Variants in ACLY observed in about 807,000 individuals in gnomAD.
ACLY encodes ATP citrate lyase, also known as ATP-citrate synthase.
Under a neutral mutation model 133.0 loss-of-function variants are expected in ACLY, and 41 were observed. The ratio of observed to expected loss-of-function variants is 0.31; its 90% confidence interval spans 0.24 to 0.40. The LOEUF (loss-of-function observed/expected upper bound fraction) is 0.40. Ranked by LOEUF, ACLY falls within the 10% of genes least tolerant of loss-of-function variation. ACLY has a pLI of 1.00. For synonymous variants in ACLY, 495 were observed against 549.3 expected (o/e 0.90, Z 1.38); for missense variants, 1,046 against 1,453.8 (o/e 0.72, Z 4.56).
chr17:41,884,255 T>C lies in ACLY; in HGVS notation c.2092A>G (p.Met698Val). Residue 698 changes from methionine to valine, a missense_variant, in exon 19 of 29, where the codon ATG (methionine) becomes GTG (valine). By Grantham distance (21) the Met-to-Val change is conservative. Transcript: ENST00000352035. Reference protein sequence around the residue: ...GGDRYPGSTFMDHVLRYQDTP... With the variant: ...GGDRYPGSTFVDHVLRYQDTP... ...TCCTGATAGCGTAACACATGATCCATGAATGTGGAGCCCGGGTACCTGTTG... is the reference window on the plus strand; with the variant it reads ...TCCTGATAGCGTAACACATGATCCACGAATGTGGAGCCCGGGTACCTGTTG... The C allele has an allele frequency of 6.2e-7, 1 of 1,611,886 alleles. No homozygotes were observed. Among genetic ancestry groups the C allele is most frequent in the Non-Finnish European group, 8.5e-7 (1 of 1,178,082 alleles).
At position 41,869,510 on chromosome 17, in the gene ACLY, A is replaced by T; in HGVS notation, c.3015T>A (p.Asp1005Glu). Residue 1005 changes from aspartate (D) to glutamate (E), a missense_variant, in exon 26 of 29, where the codon GAT becomes GAA. Around this residue, in one of 4 missense-constraint regions of ACLY, gnomAD observed 205 missense variants for 373.3 expected, o/e 0.55. Transcript: ENST00000352035. ...RQHFPATPLL[D>E]YALEVEKITT... ...TAATCTTCTCTACTTCCAGTGCATAATCGAGCAGAGGAGTGGCAGGGAAGT... is the reference window on the plus strand; with the variant it reads ...TAATCTTCTCTACTTCCAGTGCATATTCGAGCAGAGGAGTGGCAGGGAAGT... 1 of 1,614,086 alleles carries T rather than the reference A, an allele frequency of 6.2e-7. No individual in the cohort carries two copies.
chr17:41,893,274 A>C (rs782034648), intron 14 of ACLY, 100 bp from the exon 15 acceptor site: 31 of 1,336,904 alleles, frequency 2.3e-5, no homozygotes, highest in Non-Finnish European at 2.8e-5. Flanking sequence ...CCCCATGTCC[A>C]CAGGGTGATG....
intron 20 of ACLY, among the ~76,000 whole-genome samples, 187 bp from the exon 21 acceptor site, chr17:41,879,111 C>T (rs2048838164): frequency 6.6e-6 from 1 of 152,098 alleles, no homozygotes; most frequent in South Asian, 2.1e-4. Context: ...AGTTCAGGAG[C>T]TTCCTCAGGG....
Position 41,907,683 on chromosome 17 carries a change from A to T in ACLY, c.617-111T>A, listed in dbSNP as rs1285204330. ...CCATGGTGGCCCATTCAGGCCTCAG[A>T]ACTCTCTAAGCTCAGTAAGAAACCA... is the stretch of plus-strand genomic sequence containing the variant. On this transcript the variant is annotated intron_variant, in intron 6 of 28. Transcript: ENST00000352035. 2.8e-4 allele frequency: 362 copies of T among 1,279,754 alleles called. 1 individual carries two copies. Among genetic ancestry groups the T allele is most frequent in the Non-Finnish European group, 2.5e-5 (23 of 914,904 alleles). 79.3% of individuals were successfully genotyped at this position (1,279,754 alleles called of 1,614,324 possible). A position where few individuals can be genotyped will look rare whatever the true frequency, so the allele number is the denominator to read the frequency against.
rs2049752963 is a variant in ACLY at position 41,907,411 on chromosome 17, A to G, written c.747+31T>C. 4 of 1,316,142 alleles carry G rather than the reference A, an allele frequency of 3.0e-6. No homozygotes were observed. In the East Asian group the frequency reaches 1.3e-4, roughly 43 times the overall value. The allele number at this position is 1,316,142 out of a possible 1,614,324, so 81.5% of individuals were successfully genotyped here. On this transcript the variant is annotated intron_variant, in intron 7 of 28. Transcript: ENST00000352035. ...GTCACCTCCCCACCGCCCTCCCCCC[A>G]GTCCCCATCTCCTCTCTAAACCAGC...
intron 22 of ACLY, among the ~76,000 whole-genome samples, chr17:41,874,926 A>AT: frequency 6.6e-6 from 1 of 150,988 alleles, no homozygotes; most frequent in African/African-American, 2.4e-5. Flanking sequence ...TTATAGCAAA[A>AT]AAAAAAAAAA....
In ACLY at chr17:41,897,852, A is replaced by G; in HGVS notation, c.1339-13T>C. The stretch of plus-strand genomic sequence containing the variant: ...TGGGGGCTGGCGTCTGGGGTGAGAT[A>G]AGGAGAGAGTGTAAGAGGTAAGAGT... On this transcript the variant is annotated splice_polypyrimidine_tract_variant and intron_variant, in intron 12 of 28. Transcript: ENST00000352035. 1 of 1,611,314 alleles carries G rather than the reference A, an allele frequency of 6.2e-7. No homozygotes were observed. Among genetic ancestry groups the G allele is most frequent in the Non-Finnish European group, 8.5e-7 (1 of 1,178,674 alleles).
intron 9 of ACLY, 149 bp from the exon 10 acceptor site, chr17:41,904,939 C>CA (rs2049666287): frequency 1.4e-6 from 1 of 721,242 alleles, no homozygotes; most frequent in Non-Finnish European, 2.4e-6. Context: ...ACAGTCTCTC[C>CA]AGACATTCCA....
At chr17:41,880,950 CGAG>C (rs2048898519) in intron 20 of ACLY, among the ~76,000 whole-genome samples, 1 of 148,674 alleles carries the variant, frequency 6.7e-6, no homozygotes, top group Admixed American at 6.7e-5. Flanking sequence ...TACTGAAATG[CGAG>C]GTGCTCACCC....
At position 41,907,469 on chromosome 17, in the gene ACLY, G is replaced by C. The variant is rs993183257; in HGVS notation, c.720C>G (p.Pro240=). 1.5e-5 allele frequency: 24 copies of C among 1,613,920 alleles called. No individual in the cohort carries two copies. Among genetic ancestry groups the C allele is most frequent in the Non-Finnish European group, 1.8e-5 (21 of 1,179,978 alleles). ...CTGGATATGCCTCCCGCCCGAAGGG[G>C]GGAGGGAACTCGATGTCACCCCACT... ...KVKWGDIEFP[P]PFGREAYPEE... Residue 240 remains proline (P), a synonymous_variant, in exon 7 of 29, where the codon CCC becomes CCG. Coordinates refer to ENST00000352035, the MANE Select transcript of ACLY (RefSeq NM_001096.3).
Position 41,884,239 on chromosome 17 carries a change from C to T in ACLY, c.2108G>A (p.Arg703His), listed in dbSNP as rs1470344043. 5 of 1,612,588 alleles carry T rather than the reference C, an allele frequency of 3.1e-6. No individual in the cohort carries two copies. Among genetic ancestry groups the T allele is most frequent in the South Asian group, 2.2e-5 (2 of 91,058 alleles). ...PGSTFMDHVL[R>H]YQDTPGVKMI... is the part of the protein sequence containing the mutation. ...TTTGACTCCTGGAGTGTCCTGATAG[C>T]GTAACACATGATCCATGAATGTGGA... Residue 703 changes from arginine to histidine, a missense_variant, in exon 19 of 29, where the codon CGC (arginine) becomes CAC (histidine). Arg to His is a conservative substitution (Grantham distance 29, BLOSUM62 0). Around this residue, in one of 4 missense-constraint regions of ACLY, gnomAD observed 575 missense variants for 804.2 expected, o/e 0.71. Transcript: ENST00000352035.
At chr17:41,910,376 C>T (rs1357175058) in intron 3 of ACLY, 92 bp from the exon 4 acceptor site, 2 of 1,054,534 alleles carry the variant, frequency 1.9e-6, no homozygotes, top group Non-Finnish European at 2.9e-6. Flanking sequence ...GGTGCCCAAG[C>T]ACTCCCACCA....
At chr17:41,906,739 A>G in intron 7 of ACLY, 93 bp from the exon 8 acceptor site, 2 of 1,163,018 alleles carry the variant, frequency 1.7e-6, no homozygotes, top group Non-Finnish European at 2.6e-6. Context: ...CTGGAAGCAC[A>G]TGAAAAGGTG....
intron 21 of ACLY, 118 bp downstream of exon 21, chr17:41,878,679 T>C (rs2048825146): frequency 7.8e-7 from 1 of 1,283,890 alleles, no homozygotes; most frequent in Admixed American, 2.1e-5. Flanking sequence ...TCCATACAGC[T>C]GCGCTAGACA....
intron 22 of ACLY, 48 bp from the exon 23 acceptor site, chr17:41,874,013 A>G (rs782488395): frequency 1.2e-5 from 18 of 1,533,682 alleles, no homozygotes; most frequent in Admixed American, 1.9e-5. Context: ...TGACCACCAC[A>G]GATTTTTCCA....
intron 9 of ACLY, 75 bp from the exon 10 acceptor site, chr17:41,904,865 G>C: frequency 7.0e-7 from 1 of 1,432,714 alleles, no homozygotes; most frequent in Middle Eastern, 1.7e-4. Flanking sequence ...ATCCAACTGA[G>C]GAAGTTCTTG....
intron 1 of ACLY, among the ~76,000 whole-genome samples, 200 bp downstream of exon 1, chr17:41,918,680 A>C (rs1216499302): frequency 4.6e-5 from 7 of 151,022 alleles, no homozygotes; most frequent in African/African-American, 9.8e-5. Flanking sequence ...GCGCGGGGGG[A>C]GGGGAGGGGC....
At position 41,877,471 on chromosome 17, in the gene ACLY, G is replaced by T. The variant is rs556380754; in HGVS notation, c.2487+632C>A. ...TTTTTTTTTTTTTTTTTAAATTACAGACAGGGTCTCACTCTGTCACCCAGG... is the reference window on the plus strand; with the variant it reads ...TTTTTTTTTTTTTTTTTAAATTACATACAGGGTCTCACTCTGTCACCCAGG... On this transcript the variant is annotated intron_variant, in intron 22 of 28. Coordinates refer to ENST00000352035, the MANE Select transcript of ACLY (RefSeq NM_001096.3). Among the ~76,000 whole-genome samples, 12 of 134,400 alleles carry T rather than the reference G, an allele frequency of 8.9e-5. No individual in the cohort carries two copies. The South Asian group carries it at 2.8e-3, about 31-fold the overall frequency. The allele number at this position is 134,400 out of a possible 152,430, so 88.2% of individuals were successfully genotyped here.
intron 22 of ACLY, among the ~76,000 whole-genome samples, chr17:41,875,780 C>T (rs1244605512): frequency 6.6e-6 from 1 of 152,222 alleles, no homozygotes; most frequent in Non-Finnish European, 1.5e-5. Context: ...GTGGCGTGAT[C>T]TCAGCTCGCT....
Sources: gnomAD v4.1 joint callset for allele counts (sites outside exome capture counted in the v4.1 genomes callset) on GRCh38, gnomAD v4.1.1 for gene constraint, gnomAD v4.1.1 regional missense constraint, MANE v1.5 for transcripts, NCBI Gene and HGNC (gene_info 2026-07-23, HGNC 2026-07-21) for gene names.